Variants in ADGRL3 observed in about 807,000 individuals in gnomAD.
The protein encoded by ADGRL3 is adhesion G protein-coupled receptor L3.
ADGRL3 carries 62 observed loss-of-function variants against 153.5 expected under a neutral mutation model. The ratio of observed to expected loss-of-function variants is 0.40; its 90% CI spans 0.33 to 0.50. ADGRL3 has a LOEUF of 0.50. ADGRL3 is among the 20% of genes least tolerant of loss of function. The pLI, the probability that ADGRL3 is intolerant of heterozygous loss-of-function variation, is 0.47. For synonymous variants in ADGRL3, 710 were observed against 672.5 expected (o/e 1.06, Z -0.86); for missense variants, 1,641 against 1,859.4 (o/e 0.88, Z 2.16).
intron 6 of ADGRL3, among the ~76,000 whole-genome samples, chr4:61,687,764 A>C (rs963836845): frequency 1.8e-4 from 28 of 152,048 alleles, no homozygotes; most frequent in Admixed American, 1.8e-3. Flanking sequence ...GATTAATGGG[A>C]TGAATAAATG....
intron 6 of ADGRL3, chr4:61,677,165 T>C: frequency 2.3e-6 from 1 of 435,484 alleles, no homozygotes; most frequent in Non-Finnish European, 4.2e-6. Context: ...GAATACGTGT[T>C]CTAACACACT....
At position 61,780,396 on chromosome 4, in the gene ADGRL3, C is replaced by T. The variant is rs183012338; in HGVS notation, c.1400-33413C>T. ...TTTTGATCTGTTCATATGTTGGAGG[C>T]GGGAGAGGTGAAAAATGGACAAAAA... On this transcript the variant is annotated intron_variant, in intron 8 of 26. Coordinates refer to ENST00000683033, the MANE Select transcript of ADGRL3 (RefSeq NM_001387552.1). Among the ~76,000 whole-genome samples, 159 of 152,042 alleles carry T rather than the reference C, an allele frequency of 1.0e-3. 3 individuals carry two copies. Among genetic ancestry groups the T allele is most frequent in the Middle Eastern group, 0.01 (3 of 294 alleles).
At chr4:61,333,855 A>T (rs28692726) in intron 1 of ADGRL3, among the ~76,000 whole-genome samples, 75,722 of 151,148 alleles carry the variant, frequency 0.5, 20,469 homozygotes, top group East Asian at 0.71. Flanking sequence ...GATTCAAGTG[A>T]TCTTTCTGTC....
intron 5 of ADGRL3, among the ~76,000 whole-genome samples, chr4:61,606,805 T>C (rs2099034199): frequency 6.6e-6 from 1 of 151,846 alleles, no homozygotes; most frequent in African/African-American, 2.4e-5. Context: ...ATAATGAGGA[T>C]AGAATTAAGG....
At chr4:61,629,754 A>T (rs2149998748) in intron 5 of ADGRL3, among the ~76,000 whole-genome samples, 1 of 147,244 alleles carries the variant, frequency 6.8e-6, no homozygotes, top group Admixed American at 6.8e-5. Context: ...AAAAAAAAAA[A>T]AAAAAAAAAA....
intron 1 of ADGRL3, among the ~76,000 whole-genome samples, chr4:61,295,325 G>C (rs1415500655): frequency 1.3e-5 from 2 of 152,026 alleles, no homozygotes; most frequent in African/African-American, 2.4e-5. Context: ...TGTTACTGTT[G>C]TTAATCTCTT....
Position 61,934,890 on chromosome 4 carries a change from A to G in ADGRL3, c.2163A>G (p.Ala721=), listed in dbSNP as rs759004043. ...NNLLQPQALN[A]WRDLTTSDQL... ...TCCTTCAGCCACAAGCTTTGAATGC[A>G]TGGAGAGACCTGACTACGAGTGATC... Residue 721 remains alanine, a synonymous_variant, in exon 14 of 27, where the codon GCA becomes GCG. Transcript: ENST00000683033. 6.8e-6 allele frequency: 11 copies of G among 1,613,682 alleles called. No individual in the cohort carries two copies. The highest frequency in any genetic ancestry group is 2.2e-5 in the East Asian group (1 of 44,888).
chr4:61,480,686 G>A (rs553729492), intron 2 of ADGRL3, among the ~76,000 whole-genome samples: 28 of 152,162 alleles, frequency 1.8e-4, no homozygotes, highest in African/African-American at 6.5e-4. Context: ...GGGAGACTGA[G>A]GCAGGAGAAT....
At chr4:61,777,302 C>T (rs2097163681) in intron 8 of ADGRL3, among the ~76,000 whole-genome samples, 1 of 151,532 alleles carries the variant, frequency 6.6e-6, no homozygotes, top group Admixed American at 6.6e-5. Flanking sequence ...CACTGCACTC[C>T]AGCCTGGGCC....
chr4:61,224,489 G>C (rs1362323973), intron 1 of ADGRL3, among the ~76,000 whole-genome samples: 1 of 152,146 alleles, frequency 6.6e-6, no homozygotes, highest in East Asian at 1.9e-4. Context: ...AACTGAAACT[G>C]GGTCTTCCAG....
chr4:61,824,196 G>A (rs2097780562), intron 9 of ADGRL3, among the ~76,000 whole-genome samples: 1 of 152,150 alleles, frequency 6.6e-6, no homozygotes, highest in Non-Finnish European at 1.5e-5. Flanking sequence ...GACACAAGTA[G>A]TTTGAAGACA....
intron 6 of ADGRL3, among the ~76,000 whole-genome samples, chr4:61,703,785 G>T (rs542154017): frequency 6.6e-6 from 1 of 151,992 alleles, no homozygotes; most frequent in Non-Finnish European, 1.5e-5. Flanking sequence ...CTATTCTCCA[G>T]CAGGCTATAT....
intron 13 of ADGRL3, among the ~76,000 whole-genome samples, chr4:61,921,147 CTT>C (rs1303015908): frequency 6.6e-6 from 1 of 151,848 alleles, no homozygotes; most frequent in Admixed American, 6.6e-5. Context: ...CTAAAAAAAA[CTT>C]TTAAAAGCTA....
intron 1 of ADGRL3, among the ~76,000 whole-genome samples, chr4:61,378,290 T>A (rs2096628174): frequency 6.6e-6 from 1 of 152,042 alleles, no homozygotes; most frequent in Admixed American, 6.6e-5. Flanking sequence ...TCCAGTTTTA[T>A]CATTGATTTT....
chr4:61,377,124 T>TGG (rs2096612780), intron 1 of ADGRL3, among the ~76,000 whole-genome samples: 1 of 152,052 alleles, frequency 6.6e-6, no homozygotes, highest in African/African-American at 2.4e-5. Context: ...TCTTTTGCCT[T>TGG]TACCTTCCCT....
chr4:61,730,489 A>G (rs1561137041), intron 6 of ADGRL3, 133 bp from the exon 7 acceptor site: 1 of 293,640 alleles, frequency 3.4e-6, no homozygotes, highest in Non-Finnish European at 6.7e-6. Context: ...ATAATGTTCA[A>G]TAAAGCAAGT....
At chr4:61,409,974 T>G (rs2152253421) in intron 2 of ADGRL3, among the ~76,000 whole-genome samples, 1 of 152,180 alleles carries the variant, frequency 6.6e-6, no homozygotes, top group Admixed American at 6.5e-5. Flanking sequence ...GTATACTAGA[T>G]TTTTACAATA....
chr4:61,454,914 TC>T (rs2097716782), intron 2 of ADGRL3, among the ~76,000 whole-genome samples: 1 of 152,132 alleles, frequency 6.6e-6, no homozygotes, highest in Non-Finnish European at 1.5e-5. Flanking sequence ...GAATGCTAAA[TC>T]CAACTTTCAT....
chr4:61,717,935 G>C (rs1473829103), intron 6 of ADGRL3, among the ~76,000 whole-genome samples: 2 of 152,126 alleles, frequency 1.3e-5, no homozygotes, highest in Admixed American at 1.3e-4. Flanking sequence ...TCGGGTGGCT[G>C]AGGAGGGAGG....
Sources: allele counts gnomAD v4.1 joint callset (sites outside exome capture counted in the v4.1 genomes callset), GRCh38; gene constraint gnomAD v4.1.1; transcripts MANE v1.5; gene names NCBI Gene and HGNC (gene_info 2026-07-23, HGNC 2026-07-21).